Variants in PRKCZ observed in about 807,000 individuals in gnomAD.
PRKCZ encodes protein kinase C zeta.
A neutral mutation model predicts 79.5 loss-of-function variants in PRKCZ; 33 were observed. The ratio of observed to expected loss-of-function variants is 0.41; its 90% CI spans 0.31 to 0.55. The LOEUF (loss-of-function observed/expected upper bound fraction) is 0.55, where lower values mean the gene tolerates loss of function less well. Among genes scored for constraint, PRKCZ ranks in the 20% least tolerant of loss-of-function variants. The probability of loss-of-function intolerance (pLI) is 0.19; values close to 1 mark genes in which losing one functional copy is unlikely to be tolerated. For missense variants in PRKCZ, 578 were observed against 813.5 expected (o/e 0.71, Z 3.52); for synonymous variants, 342 against 320.9 (o/e 1.07, Z -0.70).
At chr1:2,064,847 C>T (rs950047237) in intron 4 of PRKCZ, among the ~76,000 whole-genome samples, 2 of 152,172 alleles carry the variant, frequency 1.3e-5, no homozygotes, top group African/African-American at 4.8e-5. Flanking sequence ...CCTGAGATTC[C>T]AGATGAATTT....
At chr1:2,115,683 G>A (rs775110902) in intron 4 of PRKCZ, among the ~76,000 whole-genome samples, 1 of 152,172 alleles carries the variant, frequency 6.6e-6, no homozygotes, top group Non-Finnish European at 1.5e-5. Context: ...CCTGAGGCTC[G>A]GGTGGGCTAG....
At chr1:2,163,422 C>T (rs1682702148) in intron 10 of PRKCZ, among the ~76,000 whole-genome samples, 1 of 152,240 alleles carries the variant, frequency 6.6e-6, no homozygotes, top group South Asian at 2.1e-4. Flanking sequence ...AGGACACCTG[C>T]TGGCAAAGGC....
chr1:2,122,883 GGTTAGGGTCACGGTGGTA>G lies in PRKCZ; in HGVS notation c.335-12361_335-12344del, dbSNP rs1465065950. Among the ~76,000 whole-genome samples, 3 of 3,668 alleles carry G rather than the reference GGTTAGGGTCACGGTGGTA, an allele frequency of 8.2e-4. 1 individual carries two copies. The highest frequency in any genetic ancestry group is 6.7e-3 in the African/African-American group (3 of 450). 2.4% of individuals were successfully genotyped at this position (3,668 alleles called of 152,430 possible). On this transcript the variant is annotated intron_variant, in intron 4 of 17. Coordinates refer to ENST00000378567, the MANE Select transcript of PRKCZ (RefSeq NM_002744.6). ...TTGTGGTGGTTAGGGTCACGGTGGT[GGTTAGGGTCACGGTGGTA>G]GTTAGGGTCACGGTGGTGGTTAGGG...
intron 4 of PRKCZ, among the ~76,000 whole-genome samples, chr1:2,069,445 T>C (rs951985221): frequency 6.6e-6 from 1 of 152,194 alleles, no homozygotes; most frequent in African/African-American, 2.4e-5. Context: ...TGCCATTACC[T>C]TGAGCAAACG....
rs1013543906 is a variant in PRKCZ, at chr1:2,184,774, G to T, written c.1691+76G>T. On this transcript the variant is annotated intron_variant, in intron 17 of 17. Transcript: ENST00000378567. The stretch of plus-strand genomic sequence containing the variant: ...GGCAGGCCGGCACCTTGGGCAGCTG[G>T]TGACCCAGCCTGCCCTTGAGTCCCA... 3.4e-6 allele frequency: 5 copies of T among 1,475,814 alleles called. No individual in the cohort carries two copies. In the African/African-American group the frequency reaches 7.0e-5, roughly 21 times the overall value. The allele number at this position is 1,475,814 out of a possible 1,614,324, so 91.4% of individuals were successfully genotyped here.
chr1:2,095,511 C>T (rs1379870253), intron 4 of PRKCZ, among the ~76,000 whole-genome samples: 2 of 152,102 alleles, frequency 1.3e-5, no homozygotes, highest in Non-Finnish European at 2.9e-5. Flanking sequence ...ACCCTCCTCC[C>T]GTGGATGCCT....
chr1:2,102,687 G>A (rs1240457103), intron 4 of PRKCZ, among the ~76,000 whole-genome samples: 2 of 152,012 alleles, frequency 1.3e-5, no homozygotes, highest in African/African-American at 2.4e-5. Context: ...TAGAAACTTC[G>A]TGTATTTTTT....
At chr1:2,069,158 C>T (rs1158711618) in intron 4 of PRKCZ, among the ~76,000 whole-genome samples, 1 of 152,254 alleles carries the variant, frequency 6.6e-6, no homozygotes, top group Non-Finnish European at 1.5e-5. Flanking sequence ...CCCGGCACCT[C>T]CGTCAGCCCC....
At chr1:2,161,194 G>A (rs1682221987) in intron 10 of PRKCZ, among the ~76,000 whole-genome samples, 1 of 152,240 alleles carries the variant, frequency 6.6e-6, no homozygotes, top group African/African-American at 2.4e-5. Flanking sequence ...CCGACACACG[G>A]TGACGGCTCA....
At chr1:2,157,831 C>T (rs570508051) in intron 10 of PRKCZ, among the ~76,000 whole-genome samples, 1 of 152,174 alleles carries the variant, frequency 6.6e-6, no homozygotes, top group African/African-American at 2.4e-5. Flanking sequence ...GTGTCCACCA[C>T]TCTGCCTGGC....
chr1:2,104,606 G>A lies in PRKCZ; in HGVS notation c.335-30656G>A, dbSNP rs113190045. ...CAATCCCAGGTGGCAGGGGATGGCC[G>A]CGATGAGGCCCTGGGGTGGAGCCCA... On this transcript the variant is annotated intron_variant, in intron 4 of 17. Transcript: ENST00000378567. 1,227 of 872,750 alleles carry A rather than the reference G, an allele frequency of 1.4e-3. 16 individuals carry two copies. In the African/African-American group the frequency reaches 0.02, roughly 14 times the overall value. The allele number at this position is 872,750 out of a possible 1,614,324, so 54.1% of individuals were successfully genotyped here. A position where few individuals can be genotyped will look rare whatever the true frequency, so the allele number is the denominator to read the frequency against.
At chr1:2,067,532 G>T (rs1388475852) in intron 4 of PRKCZ, among the ~76,000 whole-genome samples, 1 of 152,186 alleles carries the variant, frequency 6.6e-6, no homozygotes, top group African/African-American at 2.4e-5. Context: ...ATCTGTGGCG[G>T]CCTCAGTGGT....
chr1:2,145,627 G>C (rs1159752396), intron 6 of PRKCZ: 1 of 204,778 alleles, frequency 4.9e-6, no homozygotes, highest in African/African-American at 2.3e-5. Flanking sequence ...AAATAGTCTT[G>C]AAGTGGCCAG....
chr1:2,148,626 G>C (rs1394983845), intron 7 of PRKCZ, among the ~76,000 whole-genome samples: 1 of 152,234 alleles, frequency 6.6e-6, no homozygotes, highest in African/African-American at 2.4e-5. Context: ...ATTATTTGCA[G>C]ATGGACCCCT....
At chr1:2,081,683 C>T (rs1663549703) in intron 4 of PRKCZ, among the ~76,000 whole-genome samples, 2 of 152,162 alleles carry the variant, frequency 1.3e-5, no homozygotes, top group South Asian at 4.1e-4. Context: ...ACTGACCCCG[C>T]ATACTCTTCT....
intron 4 of PRKCZ, among the ~76,000 whole-genome samples, chr1:2,064,874 A>G (rs553519069): frequency 1.3e-5 from 2 of 152,246 alleles, no homozygotes; most frequent in East Asian, 1.9e-4. Context: ...AGGCTTTTCT[A>G]TTTCTGCAAA....
chr1:2,093,394 G>A (rs1357408296), intron 4 of PRKCZ, among the ~76,000 whole-genome samples: 1 of 152,148 alleles, frequency 6.6e-6, no homozygotes, highest in African/African-American at 2.4e-5. Context: ...GTGGAGTGGG[G>A]TGCTTGCCTT....
intron 4 of PRKCZ, among the ~76,000 whole-genome samples, chr1:2,129,098 A>G (rs1674479337): frequency 6.6e-6 from 1 of 152,138 alleles, no homozygotes; most frequent in Non-Finnish European, 1.5e-5. Flanking sequence ...GGGCCCAGAA[A>G]GGCAGAGTGG....
chr1:2,162,701 G>A (rs1025907490), intron 10 of PRKCZ, among the ~76,000 whole-genome samples: 2 of 152,130 alleles, frequency 1.3e-5, no homozygotes, highest in African/African-American at 2.4e-5. Context: ...TCCCACCTCA[G>A]CTTCCCAGAG....
Sources: allele counts gnomAD v4.1 joint callset (sites outside exome capture counted in the v4.1 genomes callset), GRCh38; gene constraint gnomAD v4.1.1; transcripts MANE v1.5; gene names NCBI Gene and HGNC (gene_info 2026-07-23, HGNC 2026-07-21).